Variants in RABGAP1L observed in about 807,000 individuals in gnomAD.
RABGAP1L encodes rab GTPase-activating protein 1-like.
A neutral mutation model predicts 137.7 loss-of-function variants in RABGAP1L; 63 were observed. That is an observed-to-expected ratio of 0.46 (90% confidence interval 0.37 to 0.56). The LOEUF (loss-of-function observed/expected upper bound fraction) is 0.56, where lower values mean the gene tolerates loss of function less well. RABGAP1L is among the 20% of genes least tolerant of loss of function. RABGAP1L has a pLI of 0.00. For missense variants in RABGAP1L, 1,095 were observed against 1,244.0 expected (o/e 0.88, Z 1.80); for synonymous variants, 431 against 433.7 (o/e 0.99, Z 0.08).
chr1:174,610,319 C>T (rs1485314056), intron 13 of RABGAP1L, among the ~76,000 whole-genome samples: 1 of 148,746 alleles, frequency 6.7e-6, no homozygotes, highest in Non-Finnish European at 1.5e-5. Context: ...GGTTTTTTGT[C>T]CTTGTGATAG....
At chr1:174,964,222 G>A (rs1021200899) in intron 20 of RABGAP1L, among the ~76,000 whole-genome samples, 2 of 152,112 alleles carry the variant, frequency 1.3e-5, no homozygotes, top group African/African-American at 4.8e-5. Flanking sequence ...TAATAAATTT[G>A]CACTGAGTCT....
intron 15 of RABGAP1L, among the ~76,000 whole-genome samples, chr1:174,687,562 T>A (rs374113359): frequency 6.6e-6 from 1 of 152,204 alleles, no homozygotes; most frequent in African/African-American, 2.4e-5. Flanking sequence ...TAACTGTAAT[T>A]TATTTTTTAC....
chr1:174,676,154 T>A (rs1677608269), intron 14 of RABGAP1L, among the ~76,000 whole-genome samples: 1 of 152,190 alleles, frequency 6.6e-6, no homozygotes, highest in African/African-American at 2.4e-5. Context: ...ATATTTTAGT[T>A]ATCCTGTGGA....
intron 13 of RABGAP1L, among the ~76,000 whole-genome samples, chr1:174,400,225 T>G (rs1342251954): frequency 2.6e-5 from 4 of 152,168 alleles, no homozygotes; most frequent in African/African-American, 9.6e-5. Context: ...CTCTCTATCT[T>G]TTATACCTTT....
intron 10 of RABGAP1L, among the ~76,000 whole-genome samples, chr1:174,287,567 A>G (rs987005711): frequency 1.3e-5 from 2 of 152,268 alleles, no homozygotes; most frequent in African/African-American, 2.4e-5. Flanking sequence ...ATCTTGGCTC[A>G]TTGCAACCAC....
chr1:174,732,579 C>G (rs1329216583), intron 17 of RABGAP1L, among the ~76,000 whole-genome samples: 2 of 152,124 alleles, frequency 1.3e-5, no homozygotes, highest in Non-Finnish European at 2.9e-5. Context: ...AGGATACCTT[C>G]AAAGGCATCT....
chr1:174,260,193 C>T (rs1365737883), intron 7 of RABGAP1L, among the ~76,000 whole-genome samples: 2 of 152,130 alleles, frequency 1.3e-5, no homozygotes, highest in Non-Finnish European at 2.9e-5. Context: ...ACTTTGGTTA[C>T]TTGGCCAGAA....
intron 18 of RABGAP1L, among the ~76,000 whole-genome samples, chr1:174,796,218 C>T (rs1688232136): frequency 6.6e-6 from 1 of 152,116 alleles, no homozygotes; most frequent in Non-Finnish European, 1.5e-5. Flanking sequence ...ATAATCCCAG[C>T]TACTCAGTAG....
intron 13 of RABGAP1L, among the ~76,000 whole-genome samples, chr1:174,547,370 A>T (rs1666104854): frequency 6.6e-6 from 1 of 152,168 alleles, no homozygotes; most frequent in South Asian, 2.1e-4. Context: ...TAATCCTGGT[A>T]CTTTGGAAGG....
chr1:174,931,487 C>G (rs1268206280), intron 19 of RABGAP1L, among the ~76,000 whole-genome samples: 1 of 152,064 alleles, frequency 6.6e-6, no homozygotes, highest in Admixed American at 6.5e-5. Flanking sequence ...TGCTTCAGCC[C>G]TGGAAAGACT....
intron 14 of RABGAP1L, among the ~76,000 whole-genome samples, chr1:174,656,070 A>G (rs1244185776): frequency 6.6e-6 from 1 of 152,220 alleles, no homozygotes; most frequent in African/African-American, 2.4e-5. Context: ...CTATATGTAT[A>G]TACATATATG....
chr1:174,610,305 G>A lies in RABGAP1L; in HGVS notation c.1711-27070G>A, dbSNP rs1671114505. 2.0e-5 allele frequency among the ~76,000 whole-genome samples: 3 copies of A among 147,994 alleles called. No individual in the cohort carries two copies. The South Asian group carries it at 6.4e-4, about 32-fold the overall frequency. ...CCACCTATGAGTGAGAACATGCAGT[G>A]TTTGGTTTTTTGTCCTTGTGATAGT... On this transcript the variant is annotated intron_variant, in intron 13 of 25. Coordinates refer to ENST00000681986, the MANE Select transcript of RABGAP1L (RefSeq NM_001366446.1).
intron 24 of RABGAP1L, among the ~76,000 whole-genome samples, chr1:174,983,367 GTTTATT>G (rs1671298590): frequency 6.6e-6 from 1 of 152,122 alleles, no homozygotes; most frequent in Admixed American, 6.5e-5. Context: ...GTTTTTAGAG[GTTTATT>G]TTTAAAGAAA....
rs150101575 is a variant in RABGAP1L at position 174,815,351 on chromosome 1, C to T, written c.2340+3391C>T. On this transcript the variant is annotated intron_variant, in intron 19 of 25. Transcript: ENST00000681986. Reference sequence around the variant, plus strand: ...ACAAAGCATTCATGGACAAAGGTGACTGCAGGCATGGAATAGGCAAGAAAG... The same window carrying T: ...ACAAAGCATTCATGGACAAAGGTGATTGCAGGCATGGAATAGGCAAGAAAG... Among the ~76,000 whole-genome samples the T allele has an allele frequency of 4.1e-3, 619 of 152,312 alleles. 4 individuals carry two copies. The highest frequency in any genetic ancestry group is 8.6e-3 in the Admixed American group (132 of 15,296).
At chr1:174,199,294 G>GT (rs1233842225) in intron 1 of RABGAP1L, among the ~76,000 whole-genome samples, 7 of 151,436 alleles carry the variant, frequency 4.6e-5, no homozygotes, top group Non-Finnish European at 7.4e-5. Context: ...TTCATGTATT[G>GT]TTTTTTTTCT....
chr1:174,566,728 A>G (rs1572348323), intron 13 of RABGAP1L, among the ~76,000 whole-genome samples: 3 of 152,148 alleles, frequency 2.0e-5, no homozygotes, highest in African/African-American at 7.2e-5. Context: ...AGTCTTTTGT[A>G]TTTATGTGCA....
chr1:174,628,885 A>G (rs776453213), intron 13 of RABGAP1L, among the ~76,000 whole-genome samples: 3 of 152,164 alleles, frequency 2.0e-5, no homozygotes, highest in Non-Finnish European at 2.9e-5. Flanking sequence ...AAATGAATTC[A>G]TATCAGTTTT....
intron 7 of RABGAP1L, among the ~76,000 whole-genome samples, chr1:174,269,054 C>T (rs1483146303): frequency 6.6e-6 from 1 of 152,102 alleles, no homozygotes. Flanking sequence ...GCCATTCTCT[C>T]GTCTAAGCCT....
intron 18 of RABGAP1L, among the ~76,000 whole-genome samples, chr1:174,770,371 A>G (rs1447461459): frequency 6.6e-6 from 1 of 152,212 alleles, no homozygotes; most frequent in Non-Finnish European, 1.5e-5. Context: ...AATACATTTT[A>G]TGAAACAGGG....
Sources: allele counts gnomAD v4.1 joint callset (sites outside exome capture counted in the v4.1 genomes callset), GRCh38; gene constraint gnomAD v4.1.1; transcripts MANE v1.5; gene names NCBI Gene and HGNC (gene_info 2026-07-23, HGNC 2026-07-21).